Variants in SPAG16 observed in about 807,000 individuals in gnomAD.
SPAG16 encodes sperm associated antigen 16.
A neutral mutation model predicts 80.4 loss-of-function variants in SPAG16; 86 were observed. That is an observed-to-expected ratio of 1.07 (90% CI 0.90 to 1.28). The LOEUF is 1.28. SPAG16 is among the 50% of genes most tolerant of loss of function. The probability of loss-of-function intolerance (pLI) is 0.00; values close to 1 mark genes in which losing one functional copy is unlikely to be tolerated. For missense variants in SPAG16, 870 were observed against 765.3 expected (o/e 1.14, Z -1.61); for synonymous variants, 294 against 265.9 (o/e 1.11, Z -1.03).
chr2:214,122,008 A>T (rs776942816), intron 14 of SPAG16, among the ~76,000 whole-genome samples: 2 of 151,812 alleles, frequency 1.3e-5, no homozygotes, highest in Non-Finnish European at 3.0e-5. Context: ...TTGTTAATGG[A>T]GATAATGTTC....
At chr2:214,347,670 G>A (rs1698144692) in intron 15 of SPAG16, among the ~76,000 whole-genome samples, 1 of 152,182 alleles carries the variant, frequency 6.6e-6, no homozygotes, top group Admixed American at 6.5e-5. Flanking sequence ...GGTGTTATGA[G>A]TTGGGGAGGT....
intron 15 of SPAG16, among the ~76,000 whole-genome samples, chr2:214,303,544 T>C (rs1694704850): frequency 6.6e-6 from 1 of 152,190 alleles, no homozygotes; most frequent in Non-Finnish European, 1.5e-5. Flanking sequence ...TTCTAGCTGC[T>C]TTTAAGATTT....
intron 12 of SPAG16, among the ~76,000 whole-genome samples, chr2:213,963,027 A>G (rs953642295): frequency 6.7e-6 from 1 of 148,518 alleles, no homozygotes; most frequent in Non-Finnish European, 1.5e-5. Flanking sequence ...TTTTATAATC[A>G]CTATTTCATT....
At chr2:213,384,472 A>G (rs1487210221) in intron 9 of SPAG16, among the ~76,000 whole-genome samples, 1 of 152,114 alleles carries the variant, frequency 6.6e-6, no homozygotes, top group Non-Finnish European at 1.5e-5. Flanking sequence ...CAAATCTAAG[A>G]TGGTGGAGGG....
intron 15 of SPAG16, among the ~76,000 whole-genome samples, chr2:214,167,980 T>A (rs544376281): frequency 6.7e-4 from 99 of 147,078 alleles, no homozygotes; most frequent in Non-Finnish European, 1.1e-3. Flanking sequence ...TTTTCTTTTC[T>A]TTTTTCTTTT....
chr2:213,905,654 T>C (rs1259223898), intron 11 of SPAG16, among the ~76,000 whole-genome samples: 1 of 152,200 alleles, frequency 6.6e-6, no homozygotes, highest in African/African-American at 2.4e-5. Flanking sequence ...ATGTATTACA[T>C]TCTATTGGCA....
chr2:214,203,236 GTTTTA>G (rs1234416229), intron 15 of SPAG16, among the ~76,000 whole-genome samples: 1 of 152,042 alleles, frequency 6.6e-6, no homozygotes, highest in Non-Finnish European at 1.5e-5. Context: ...TCAATAATGT[GTTTTA>G]TTTTATTTTC....
chr2:214,012,246 A>T (rs1406732191), intron 12 of SPAG16, among the ~76,000 whole-genome samples: 93 of 114,838 alleles, frequency 8.1e-4, no homozygotes, highest in African/African-American at 2.8e-3. Context: ...ATATATATAT[A>T]TTTTTATACT....
chr2:214,304,024 A>T (rs1694742760), intron 15 of SPAG16, among the ~76,000 whole-genome samples: 1 of 152,148 alleles, frequency 6.6e-6, no homozygotes, highest in Admixed American at 6.5e-5. Flanking sequence ...TCCACCTTCC[A>T]GTAGGCCCCA....
At chr2:214,070,631 T>C (rs2050742972) in intron 13 of SPAG16, among the ~76,000 whole-genome samples, 1 of 152,072 alleles carries the variant, frequency 6.6e-6, no homozygotes, top group African/African-American at 2.4e-5. Context: ...TTTTTTGTCT[T>C]TTTAGCATCA....
At chr2:214,342,023 C>T (rs7572550) in intron 15 of SPAG16, among the ~76,000 whole-genome samples, 73,651 of 151,762 alleles carry the variant, frequency 0.49, 21,397 homozygotes, top group South Asian at 0.65. Context: ...AAAGAAAAAA[C>T]GCTACAAGAA....
chr2:213,444,368 G>T (rs1436712978), intron 9 of SPAG16, among the ~76,000 whole-genome samples: 2 of 151,998 alleles, frequency 1.3e-5, no homozygotes, highest in Non-Finnish European at 2.9e-5. Flanking sequence ...AGTTTTTAGG[G>T]GTTTATCAAC....
chr2:213,366,298 A>G (rs1244055227), intron 8 of SPAG16, among the ~76,000 whole-genome samples: 1 of 152,206 alleles, frequency 6.6e-6, no homozygotes, highest in Non-Finnish European at 1.5e-5. Flanking sequence ...CATGTAAAGT[A>G]TAAACTTAAA....
intron 13 of SPAG16, among the ~76,000 whole-genome samples, chr2:214,030,128 C>G (rs948506584): frequency 3.3e-5 from 5 of 152,124 alleles, no homozygotes; most frequent in Admixed American, 1.3e-4. Flanking sequence ...GACTAACTCT[C>G]TATTTCCCCC....
At chr2:213,313,399 TTCTCA>T (rs1290650111) in intron 4 of SPAG16, among the ~76,000 whole-genome samples, 7 of 151,892 alleles carry the variant, frequency 4.6e-5, no homozygotes, top group Non-Finnish European at 1.0e-4. Context: ...ATATAGTATA[TTCTCA>T]TGCATTATTT....
At chr2:214,383,501 A>G (rs905781101) in intron 15 of SPAG16, among the ~76,000 whole-genome samples, 10 of 151,374 alleles carry the variant, frequency 6.6e-5, no homozygotes, top group Non-Finnish European at 1.2e-4. Context: ...AGCTGGGGAG[A>G]CAGAGGTTGC....
At chr2:213,952,592 C>T (rs2079846106) in intron 12 of SPAG16, among the ~76,000 whole-genome samples, 1 of 151,966 alleles carries the variant, frequency 6.6e-6, no homozygotes, top group African/African-American at 2.4e-5. Context: ...CACAGACATA[C>T]TCAAATTTGA....
At chr2:213,573,754 T>C (rs1190216854) in intron 10 of SPAG16, among the ~76,000 whole-genome samples, 4 of 152,244 alleles carry the variant, frequency 2.6e-5, no homozygotes, top group African/African-American at 9.6e-5. Context: ...TCTGTGAATA[T>C]TTGTTTTGCT....
At chr2:213,350,393 G>A in intron 6 of SPAG16, 135 bp from the exon 7 acceptor site, 1 of 518,094 alleles carries the variant, frequency 1.9e-6, no homozygotes, top group Non-Finnish European at 3.4e-6. Flanking sequence ...TGGCTGTAGT[G>A]TGTTAACCTT....
Sources: gnomAD v4.1 joint callset for allele counts (sites outside exome capture counted in the v4.1 genomes callset) on GRCh38, gnomAD v4.1.1 for gene constraint, MANE v1.5 for transcripts, NCBI Gene and HGNC (gene_info 2026-07-23, HGNC 2026-07-21) for gene names.